The following PLXDC1 variants were observed in gnomAD, a reference collection of about 807,000 sequenced individuals.
PLXDC1 encodes plexin domain-containing protein 1.
PLXDC1 carries 39 observed loss-of-function variants against 61.3 expected under a neutral mutation model. That is an observed-to-expected ratio of 0.64 (90% CI 0.49 to 0.83). PLXDC1 has a LOEUF of 0.83. Among genes scored for constraint, PLXDC1 ranks in the 40% least tolerant of loss-of-function variants. The probability of loss-of-function intolerance (pLI) is 0.00; values close to 1 mark genes in which losing one functional copy is unlikely to be tolerated. For synonymous variants in PLXDC1, 212 were observed against 254.5 expected (o/e 0.83, Z 1.59); for missense variants, 596 against 666.5 (o/e 0.89, Z 1.17).
intron 1 of PLXDC1, among the ~76,000 whole-genome samples, chr17:39,147,670 G>A (rs1468903609): frequency 6.7e-6 from 1 of 149,720 alleles, no homozygotes; most frequent in Admixed American, 6.7e-5. Context: ...AAGAGGGAGG[G>A]AGGGAAGGGG....
At chr17:39,135,676 T>TAA (rs35762241) in intron 2 of PLXDC1, among the ~76,000 whole-genome samples, 6 of 104,372 alleles carry the variant, frequency 5.7e-5, no homozygotes, top group Admixed American at 2.1e-4. Context: ...ACACTCCGTC[T>TAA]AAAAAAAAAA....
At chr17:39,077,170 G>A (rs1368756362) in intron 11 of PLXDC1, among the ~76,000 whole-genome samples, 1 of 152,176 alleles carries the variant, frequency 6.6e-6, no homozygotes, top group Non-Finnish European at 1.5e-5. Flanking sequence ...GCCTGGCCGA[G>A]ATGCAGGGTA....
At chr17:39,141,856 G>T (rs964702767) in intron 1 of PLXDC1, among the ~76,000 whole-genome samples, 14 of 152,016 alleles carry the variant, frequency 9.2e-5, no homozygotes, top group African/African-American at 3.4e-4. Context: ...CATCCTAACA[G>T]GTATGAGGTT....
chr17:39,113,995 A>G (rs1910891413), intron 2 of PLXDC1, among the ~76,000 whole-genome samples: 1 of 152,174 alleles, frequency 6.6e-6, no homozygotes, highest in Admixed American at 6.5e-5. Flanking sequence ...CTTCTGAAAG[A>G]GATCAAATTT....
At chr17:39,099,854 A>G (rs1598196382) in intron 7 of PLXDC1, among the ~76,000 whole-genome samples, 2 of 152,268 alleles carry the variant, frequency 1.3e-5, no homozygotes, top group African/African-American at 2.4e-5. Flanking sequence ...CATGGCCCCC[A>G]GAGAGCCTCT....
At chr17:39,148,677 C>T (rs144413835) in intron 1 of PLXDC1, among the ~76,000 whole-genome samples, 12,885 of 152,094 alleles carry the variant, frequency 0.085, 623 homozygotes, top group East Asian at 0.12. Flanking sequence ...TCAGGTGATC[C>T]GCCGGCCTCG....
intron 2 of PLXDC1, among the ~76,000 whole-genome samples, chr17:39,127,546 A>C (rs1038483113): frequency 2.0e-5 from 3 of 152,198 alleles, no homozygotes; most frequent in African/African-American, 7.2e-5. Flanking sequence ...AACTCGCCCA[A>C]GACAAAAAGA....
chr17:39,126,281 A>C (rs968452532), intron 2 of PLXDC1, among the ~76,000 whole-genome samples: 3 of 152,080 alleles, frequency 2.0e-5, no homozygotes, highest in African/African-American at 7.2e-5. Flanking sequence ...ACCAACATAC[A>C]AACAAAAAAG....
intron 2 of PLXDC1, among the ~76,000 whole-genome samples, chr17:39,127,977 A>G (rs1359807081): frequency 1.0e-4 from 15 of 144,800 alleles, no homozygotes; most frequent in African/African-American, 3.3e-4. Flanking sequence ...GATGCTCAAT[A>G]TCAGTATTCA....
intron 6 of PLXDC1, among the ~76,000 whole-genome samples, chr17:39,106,994 C>A (rs1455766445): frequency 2.6e-5 from 4 of 152,182 alleles, no homozygotes; most frequent in Admixed American, 2.6e-4. Flanking sequence ...CGTGCTCTGT[C>A]CTGCCTCAGG....
intron 7 of PLXDC1, among the ~76,000 whole-genome samples, chr17:39,094,683 C>T (rs1407025013): frequency 6.6e-6 from 1 of 152,122 alleles, no homozygotes; most frequent in South Asian, 2.1e-4. Context: ...CTTAACAGGA[C>T]CTTAAGAAAT....
intron 7 of PLXDC1, among the ~76,000 whole-genome samples, chr17:39,099,324 T>G (rs1321511434): frequency 1.3e-5 from 2 of 152,202 alleles, no homozygotes; most frequent in African/African-American, 4.8e-5. Context: ...ACCGGGGATC[T>G]GACCCCCTCT....
rs780683344 is a variant in PLXDC1 at position 39,070,051 on chromosome 17, A to C, written c.1223-35T>G. On this transcript the variant is annotated intron_variant, in intron 12 of 13. Transcript: ENST00000315392. Reference sequence around the variant, plus strand: ...GATCATTAGGGCAGACAGGGGCTGCAGGGGAGCAGGGAAGGTCGAACCATG... The same window carrying C: ...GATCATTAGGGCAGACAGGGGCTGCCGGGGAGCAGGGAAGGTCGAACCATG... The C allele has an allele frequency of 8.3e-6, 13 of 1,573,774 alleles. No homozygotes were observed. In the East Asian group the frequency reaches 2.5e-4, roughly 30 times the overall value.
intron 7 of PLXDC1, among the ~76,000 whole-genome samples, chr17:39,099,301 A>C (rs919935291): frequency 2.0e-5 from 3 of 152,188 alleles, no homozygotes. Flanking sequence ...GAGGAGCCTC[A>C]GAGGCAGATG....
chr17:39,132,365 C>T (rs941935620), intron 2 of PLXDC1, among the ~76,000 whole-genome samples: 9 of 152,072 alleles, frequency 5.9e-5, no homozygotes, highest in African/African-American at 2.2e-4. Context: ...TATGGCTTCC[C>T]CAGTTCTCCT....
chr17:39,128,125 A>ATATGTATATATATGTATATATATG (rs1911395732), intron 2 of PLXDC1, among the ~76,000 whole-genome samples: 1 of 36,736 alleles, frequency 2.7e-5, no homozygotes, highest in Non-Finnish European at 5.5e-5. Flanking sequence ...GTATATATAT[A>ATATGTATATATATGTATATATATG]TGTGTATATA....
At chr17:39,139,441 A>G (rs1211811678) in intron 2 of PLXDC1, among the ~76,000 whole-genome samples, 1 of 152,180 alleles carries the variant, frequency 6.6e-6, no homozygotes, top group Non-Finnish European at 1.5e-5. Context: ...AGGAGGGAGT[A>G]GGCAGCCTAT....
At chr17:39,150,664 C>G (rs1328532331) in intron 1 of PLXDC1, among the ~76,000 whole-genome samples, 2 of 152,138 alleles carry the variant, frequency 1.3e-5, no homozygotes, top group African/African-American at 4.8e-5. Flanking sequence ...AATGGGACGC[C>G]TCCCTCCACC....
rs377174999 is a variant in PLXDC1, at chr17:39,093,630, C to T, written c.812-5928G>A. 4.6e-3 allele frequency among the ~76,000 whole-genome samples: 701 copies of T among 152,052 alleles called. 2 individuals carry two copies. Among genetic ancestry groups the T allele is most frequent in the Non-Finnish European group, 7.6e-3 (514 of 68,010 alleles). Reference sequence around the variant, plus strand: ...ACCCGGGTGGCTGAGGTAGGGGAATCGCTGGAACCCGGGAGGCAGAGGCTG... The same window carrying T: ...ACCCGGGTGGCTGAGGTAGGGGAATTGCTGGAACCCGGGAGGCAGAGGCTG... On this transcript the variant is annotated intron_variant, in intron 7 of 13. Transcript: ENST00000315392.
Sources: allele counts gnomAD v4.1 joint callset (sites outside exome capture counted in the v4.1 genomes callset), GRCh38; gene constraint gnomAD v4.1.1; transcripts MANE v1.5; gene names NCBI Gene and HGNC (gene_info 2026-07-23, HGNC 2026-07-21).